SH3RF1: variants seen among roughly 807,000 people sequenced by gnomAD.
SH3RF1 encodes SH3 domain containing ring finger 1.
SH3RF1 carries 32 observed loss-of-function variants against 74.0 expected under a neutral mutation model. That is an observed-to-expected ratio of 0.43 (90% CI 0.33 to 0.58). The LOEUF (loss-of-function observed/expected upper bound fraction) is 0.58, where lower values mean the gene tolerates loss of function less well. SH3RF1 is among the 20% of genes least tolerant of loss of function. SH3RF1 has a pLI of 0.05. For missense variants in SH3RF1, 954 were observed against 1,130.9 expected, an observed-to-expected ratio of 0.84 and a Z score of 2.24; for synonymous variants, 396 against 439.6, an observed-to-expected ratio of 0.90 and a Z score of 1.24.
At chr4:169,213,546 G>A (rs191656225) in intron 2 of SH3RF1, among the ~76,000 whole-genome samples, 41 of 152,040 alleles carry the variant, frequency 2.7e-4, no homozygotes, top group Non-Finnish European at 4.7e-4. Flanking sequence ...TCAGCTTATC[G>A]AATGTTTCTT....
At chr4:169,185,355 G>T (rs542525763) in intron 2 of SH3RF1, among the ~76,000 whole-genome samples, 1 of 152,304 alleles carries the variant, frequency 6.6e-6, no homozygotes, top group Non-Finnish European at 1.5e-5. Context: ...ACTAGACATA[G>T]CAAGGAAAAG....
intron 2 of SH3RF1, among the ~76,000 whole-genome samples, chr4:169,215,543 T>C (rs765212763): frequency 7.2e-5 from 11 of 152,194 alleles, no homozygotes; most frequent in Non-Finnish European, 1.0e-4. Context: ...CTTCAGTGTT[T>C]GGTAGAATTC....
At chr4:169,201,201 A>G (rs1031630690) in intron 2 of SH3RF1, among the ~76,000 whole-genome samples, 1 of 152,208 alleles carries the variant, frequency 6.6e-6, no homozygotes, top group Non-Finnish European at 1.5e-5. Context: ...GAACAATGAA[A>G]TTTGGAATTA....
chr4:169,249,130 A>C (rs1731057466), intron 2 of SH3RF1, among the ~76,000 whole-genome samples: 1 of 152,208 alleles, frequency 6.6e-6, no homozygotes. Context: ...CAGGAGGCTC[A>C]GGCAGGAGAA....
intron 2 of SH3RF1, among the ~76,000 whole-genome samples, chr4:169,199,089 C>T (rs1734867377): frequency 1.3e-5 from 2 of 152,164 alleles, no homozygotes; most frequent in South Asian, 4.2e-4. Context: ...ATCAATAATA[C>T]AATAATAAAG....
At chr4:169,105,113 AAC>A in intron 11 of SH3RF1, among the ~76,000 whole-genome samples, 1 of 152,182 alleles carries the variant, frequency 6.6e-6, no homozygotes, top group African/African-American at 2.4e-5. Flanking sequence ...TTAAAAACAT[AAC>A]ACTTTATAGT....
At chr4:169,211,716 T>G (rs1252873108) in intron 2 of SH3RF1, among the ~76,000 whole-genome samples, 1 of 152,160 alleles carries the variant, frequency 6.6e-6, no homozygotes, top group Non-Finnish European at 1.5e-5. Flanking sequence ...GATACAGATG[T>G]GTGAATGTAT....
At chr4:169,159,971 A>C (rs1395487501) in intron 2 of SH3RF1, among the ~76,000 whole-genome samples, 1 of 152,218 alleles carries the variant, frequency 6.6e-6, no homozygotes, top group Non-Finnish European at 1.5e-5. Context: ...GTACCGTTTA[A>C]TAGGGGATGG....
At chr4:169,171,058 C>T (rs528827322) in intron 2 of SH3RF1, among the ~76,000 whole-genome samples, 12 of 152,212 alleles carry the variant, frequency 7.9e-5, no homozygotes, top group Non-Finnish European at 1.5e-4. Context: ...AAGGTTTCTC[C>T]ACACATAGTG....
intron 2 of SH3RF1, chr4:169,167,217 T>C (rs898268669): frequency 6.5e-6 from 1 of 152,832 alleles, no homozygotes; most frequent in East Asian, 1.9e-4. Context: ...TGTATAGCCA[T>C]GGAAGGGCAC....
At position 169,098,599 on chromosome 4, in the gene SH3RF1, C is replaced by A. The variant is rs543288267; in HGVS notation, c.2499-1912G>T. 2.2e-4 allele frequency among the ~76,000 whole-genome samples: 34 copies of A among 152,328 alleles called. No homozygotes were observed. In the South Asian group the frequency reaches 6.8e-3, roughly 31 times the overall value. On this transcript the variant is annotated intron_variant, in intron 11 of 11. Coordinates refer to ENST00000284637, the MANE Select transcript of SH3RF1 (RefSeq NM_020870.4). ...TACTACCCAAGATCTGAAGCAAAAG[C>A]ACAGCACAGAAGTTGGCTTATCATA...
chr4:169,237,130 A>G (rs1230983970), intron 2 of SH3RF1, among the ~76,000 whole-genome samples: 2 of 152,256 alleles, frequency 1.3e-5, no homozygotes, highest in African/African-American at 4.8e-5. Context: ...TGACATGCAC[A>G]GCAATGTCTC....
chr4:169,239,834 A>G (rs1730876880), intron 2 of SH3RF1, among the ~76,000 whole-genome samples: 1 of 152,162 alleles, frequency 6.6e-6, no homozygotes, highest in Non-Finnish European at 1.5e-5. Context: ...CAGCTTGGAC[A>G]ACATGGTGAA....
At chr4:169,170,628 T>G (rs1202902359) in intron 2 of SH3RF1, among the ~76,000 whole-genome samples, 1 of 152,152 alleles carries the variant, frequency 6.6e-6, no homozygotes, top group Non-Finnish European at 1.5e-5. Flanking sequence ...CTTCATATCC[T>G]GGGGGCGCAA....
At chr4:169,257,363 G>C (rs946678436) in intron 2 of SH3RF1, among the ~76,000 whole-genome samples, 1 of 152,128 alleles carries the variant, frequency 6.6e-6, no homozygotes, top group African/African-American at 2.4e-5. Context: ...TCTCAGCTAG[G>C]GTAAACTTAT....
At chr4:169,239,041 T>G (rs1418660658) in intron 2 of SH3RF1, among the ~76,000 whole-genome samples, 1 of 151,962 alleles carries the variant, frequency 6.6e-6, no homozygotes, top group Non-Finnish European at 1.5e-5. Context: ...AATGATGGCT[T>G]AACTGCACAG....
intron 11 of SH3RF1, among the ~76,000 whole-genome samples, chr4:169,104,854 T>C (rs1166250319): frequency 6.6e-6 from 1 of 150,684 alleles, no homozygotes; most frequent in African/African-American, 2.5e-5. Flanking sequence ...TGAGCCAAGA[T>C]TGCACCACTG....
chr4:169,234,669 T>C (rs182377368), intron 2 of SH3RF1, among the ~76,000 whole-genome samples: 40 of 152,332 alleles, frequency 2.6e-4, no homozygotes, highest in Admixed American at 1.8e-3. Flanking sequence ...AACACCCTCA[T>C]ACCATTTCCA....
At chr4:169,169,654 G>A (rs1378814084) in intron 2 of SH3RF1, among the ~76,000 whole-genome samples, 1 of 152,060 alleles carries the variant, frequency 6.6e-6, no homozygotes, top group Non-Finnish European at 1.5e-5. Flanking sequence ...AACTGGTTTT[G>A]TTTAAAGGTG....
Sources: gnomAD v4.1 joint callset for allele counts (sites outside exome capture counted in the v4.1 genomes callset) on GRCh38, gnomAD v4.1.1 for gene constraint, MANE v1.5 for transcripts, NCBI Gene and HGNC (gene_info 2026-07-23, HGNC 2026-07-21) for gene names.